Variants in CCDC60 observed in about 807,000 individuals in gnomAD.
The protein encoded by CCDC60 is coiled-coil domain containing 60.
Under a neutral mutation model 63.5 loss-of-function variants are expected in CCDC60, and 54 were observed. The observed-to-expected ratio is 0.85, with a 90% confidence interval of 0.68 to 1.07. The LOEUF (loss-of-function observed/expected upper bound fraction) is 1.07. Ranked by LOEUF, CCDC60 falls within the 50% of genes least tolerant of loss-of-function variation. CCDC60 has a pLI of 0.00. For synonymous variants in CCDC60, 206 were observed against 238.8 expected (o/e 0.86, Z 1.27); for missense variants, 651 against 684.3 (o/e 0.95, Z 0.54).
At chr12:119,513,537 C>A (rs1164723235) in intron 7 of CCDC60, among the ~76,000 whole-genome samples, 1 of 152,204 alleles carries the variant, frequency 6.6e-6, no homozygotes, top group African/African-American at 2.4e-5. Context: ...CCCTATATAT[C>A]TCTCTTTCCT....
intron 1 of CCDC60, among the ~76,000 whole-genome samples, chr12:119,382,330 T>C (rs1260251766): frequency 6.6e-6 from 1 of 152,226 alleles, no homozygotes; most frequent in Non-Finnish European, 1.5e-5. Context: ...GATGCTCGGC[T>C]GTGTGACAGC....
rs1955566306 is a variant in CCDC60, at chr12:119,344,466, TG to T, written c.90+9203del. 9.2e-5 allele frequency among the ~76,000 whole-genome samples: 14 copies of T among 152,260 alleles called. No homozygotes were observed. The South Asian group carries it at 2.9e-3, about 32-fold the overall frequency. On this transcript the variant is annotated intron_variant, in intron 1 of 13. Transcript: ENST00000327554. ...GTATGTCCAATTAACTACCACAGGG[TG>T]GGTGTTCAGTGGATGCTGCCTCCTT...
At chr12:119,429,678 A>C (rs1281896775) in intron 2 of CCDC60, 4 of 152,320 alleles carry the variant, frequency 2.6e-5, no homozygotes, top group Non-Finnish European at 4.4e-5. Flanking sequence ...CCCATCCAGC[A>C]GCACAACTTC....
intron 2 of CCDC60, among the ~76,000 whole-genome samples, chr12:119,460,552 A>G (rs2136303153): frequency 6.6e-6 from 1 of 152,324 alleles, no homozygotes; most frequent in South Asian, 2.1e-4. Context: ...ATGATTTTCA[A>G]CACATATTTC....
chr12:119,449,809 G>A (rs1950599514), intron 2 of CCDC60, among the ~76,000 whole-genome samples: 1 of 152,146 alleles, frequency 6.6e-6, no homozygotes, highest in Non-Finnish European at 1.5e-5. Context: ...AGGAAAAGCA[G>A]AAGTAACTTC....
chr12:119,470,523 C>T (rs1314681716), intron 2 of CCDC60, among the ~76,000 whole-genome samples: 1 of 152,206 alleles, frequency 6.6e-6, no homozygotes, highest in African/African-American at 2.4e-5. Flanking sequence ...TCCCAATGGA[C>T]ATTTGTAAGA....
At chr12:119,412,426 A>G (rs1956619628) in intron 1 of CCDC60, among the ~76,000 whole-genome samples, 1 of 152,238 alleles carries the variant, frequency 6.6e-6, no homozygotes, top group Admixed American at 6.5e-5. Context: ...CTTAACCACC[A>G]ACACACATCC....
intron 6 of CCDC60, among the ~76,000 whole-genome samples, chr12:119,501,930 C>T (rs1951863354): frequency 6.6e-6 from 1 of 152,194 alleles, no homozygotes; most frequent in South Asian, 2.1e-4. Flanking sequence ...TGACCTCAGA[C>T]AAATCCTTTC....
At chr12:119,501,617 A>T (rs1951854537) in intron 6 of CCDC60, among the ~76,000 whole-genome samples, 1 of 152,160 alleles carries the variant, frequency 6.6e-6, no homozygotes, top group Non-Finnish European at 1.5e-5. Context: ...CCTAGATTTA[A>T]GACGAGCCTT....
intron 1 of CCDC60, among the ~76,000 whole-genome samples, chr12:119,340,696 G>A (rs983609520): frequency 1.3e-5 from 2 of 152,096 alleles, no homozygotes; most frequent in South Asian, 2.1e-4. Flanking sequence ...AGCACAATAC[G>A]TTTCCATGGC....
intron 4 of CCDC60, among the ~76,000 whole-genome samples, chr12:119,480,926 TCACCATCATCATCAC>T (rs1312936833): frequency 4.8e-5 from 7 of 146,262 alleles, no homozygotes; most frequent in Non-Finnish European, 9.0e-5. Flanking sequence ...ACCATCATCA[TCACCATCATCATCAC>T]CACCATCATC....
At chr12:119,529,299 T>C (rs1952773215) in intron 12 of CCDC60, among the ~76,000 whole-genome samples, 1 of 151,854 alleles carries the variant, frequency 6.6e-6, no homozygotes, top group Admixed American at 6.6e-5. Flanking sequence ...AACAAAATAA[T>C]CCTGAAAGAT....
chr12:119,370,833 G>A lies in CCDC60; in HGVS notation c.90+35567G>A, dbSNP rs1955890185. 4.6e-5 allele frequency among the ~76,000 whole-genome samples: 7 copies of A among 152,188 alleles called. No homozygotes were observed. The South Asian group carries it at 8.3e-4, about 18-fold the overall frequency. On this transcript the variant is annotated intron_variant, in intron 1 of 13. Transcript: ENST00000327554. ...ACTTGAGCCCAGGAGTTTGAGACCA[G>A]CCTGGGCAACATAGTGAGACCCCAT...
At chr12:119,532,469 G>A (rs924893048) in intron 13 of CCDC60, among the ~76,000 whole-genome samples, 21 of 150,058 alleles carry the variant, frequency 1.4e-4, no homozygotes, top group Admixed American at 4.0e-4. Flanking sequence ...TGTGCGTAAC[G>A]TGAAGGTTTG....
intron 2 of CCDC60, among the ~76,000 whole-genome samples, chr12:119,445,512 G>C: frequency 6.9e-6 from 1 of 145,526 alleles, no homozygotes; most frequent in African/African-American, 2.6e-5. Context: ...AAAAAATGCA[G>C]GACAACCAAA....
intron 2 of CCDC60, among the ~76,000 whole-genome samples, chr12:119,463,172 G>A (rs754593650): frequency 5.3e-5 from 8 of 152,148 alleles, no homozygotes; most frequent in Non-Finnish European, 8.8e-5. Flanking sequence ...TCTGTCTCAG[G>A]ATCCAACAGG....
chr12:119,399,495 A>G (rs774037084), intron 1 of CCDC60, among the ~76,000 whole-genome samples: 2 of 152,208 alleles, frequency 1.3e-5, no homozygotes. Flanking sequence ...ATGCGGAGCC[A>G]GCTGTTGACT....
intron 5 of CCDC60, among the ~76,000 whole-genome samples, chr12:119,491,521 G>T (rs1951583693): frequency 6.6e-6 from 1 of 151,940 alleles, no homozygotes; most frequent in Non-Finnish European, 1.5e-5. Context: ...GTGGAGACAG[G>T]GTTTCACCAT....
intron 7 of CCDC60, among the ~76,000 whole-genome samples, chr12:119,516,098 T>C (rs1258880221): frequency 6.6e-6 from 1 of 152,168 alleles, no homozygotes; most frequent in Non-Finnish European, 1.5e-5. Context: ...TTTTATTTTT[T>C]ATTTTATTAT....
Sources: allele counts gnomAD v4.1 joint callset (sites outside exome capture counted in the v4.1 genomes callset), GRCh38; gene constraint gnomAD v4.1.1; transcripts MANE v1.5; gene names NCBI Gene and HGNC (gene_info 2026-07-23, HGNC 2026-07-21).